NEK11: variants seen among roughly 807,000 people sequenced by gnomAD.
NEK11 encodes NIMA related kinase 11.
A neutral mutation model predicts 80.7 loss-of-function variants in NEK11; 72 were observed. The ratio of observed to expected loss-of-function variants is 0.89; its 90% CI spans 0.74 to 1.08. The LOEUF (loss-of-function observed/expected upper bound fraction) is 1.08. NEK11 is among the 50% of genes least tolerant of loss of function. The pLI, the probability that NEK11 is intolerant of heterozygous loss-of-function variation, is 0.00. For missense variants in NEK11, 764 were observed against 763.6 expected (o/e 1.00, Z -0.01); for synonymous variants, 251 against 260.7 (o/e 0.96, Z 0.36).
chr3:131,111,239 C>G (rs929935712), intron 5 of NEK11, among the ~76,000 whole-genome samples: 1 of 151,848 alleles, frequency 6.6e-6, no homozygotes, highest in African/African-American at 2.4e-5. Context: ...TTAAAATAAC[C>G]CTTTGAACAG....
intron 7 of NEK11, 87 bp from the exon 8 acceptor site, chr3:131,152,301 G>T: frequency 8.6e-7 from 1 of 1,162,174 alleles, no homozygotes; most frequent in Non-Finnish European, 1.2e-6. Context: ...CACAGCCAAT[G>T]CCCCAACACA....
At chr3:131,080,039 T>TTTG (rs1553850210) in intron 3 of NEK11, among the ~76,000 whole-genome samples, 3 of 148,956 alleles carry the variant, frequency 2.0e-5, no homozygotes, top group Admixed American at 6.7e-5. Context: ...GTGTGTGTGT[T>TTTG]TGTGTGTGTG....
At chr3:131,321,938 T>C (rs1176143676) in intron 17 of NEK11, among the ~76,000 whole-genome samples, 1 of 152,212 alleles carries the variant, frequency 6.6e-6, no homozygotes, top group East Asian at 1.9e-4. Context: ...TGGAGATTTC[T>C]TAAAGAATTT....
chr3:131,346,750 A>C (rs1003532841), intron 17 of NEK11, among the ~76,000 whole-genome samples: 5 of 152,156 alleles, frequency 3.3e-5, no homozygotes, highest in African/African-American at 1.2e-4. Flanking sequence ...GAAGTGGAAG[A>C]TTAGCTGGTA....
At chr3:131,281,428 A>G (rs2096394289) in intron 17 of NEK11, among the ~76,000 whole-genome samples, 1 of 152,182 alleles carries the variant, frequency 6.6e-6, no homozygotes, top group Non-Finnish European at 1.5e-5. Context: ...AGTATATGGC[A>G]ATATTCTTCA....
chr3:131,346,356 A>G (rs1342899650), intron 17 of NEK11, among the ~76,000 whole-genome samples: 1 of 152,220 alleles, frequency 6.6e-6, no homozygotes, highest in Non-Finnish European at 1.5e-5. Context: ...AAAAGAATAA[A>G]GGAAAACATT....
intron 17 of NEK11, 44 bp from the exon 18 acceptor site, chr3:131,349,513 C>A: frequency 6.7e-7 from 1 of 1,494,630 alleles, no homozygotes; most frequent in South Asian, 1.2e-5. Flanking sequence ...TGCAGGTGAT[C>A]TTAATGTGTA....
chr3:131,099,928 C>G (rs2078109950), intron 4 of NEK11, among the ~76,000 whole-genome samples: 3 of 152,000 alleles, frequency 2.0e-5, no homozygotes, highest in Admixed American at 2.0e-4. Context: ...AGATAGCTGA[C>G]TTCGTTTTGG....
At chr3:131,175,039 C>T in intron 14 of NEK11, 1 of 1,274,088 alleles carries the variant, frequency 7.8e-7, no homozygotes, top group Non-Finnish European at 9.9e-7. Flanking sequence ...AGGAGCCCCA[C>T]ATGCCCTTTA....
chr3:131,298,790 T>C (rs770594885), intron 17 of NEK11, among the ~76,000 whole-genome samples: 2 of 152,148 alleles, frequency 1.3e-5, no homozygotes, highest in Admixed American at 6.6e-5. Flanking sequence ...TGGGTTGTCG[T>C]CTGACATCAA....
intron 14 of NEK11, among the ~76,000 whole-genome samples, chr3:131,186,789 A>G (rs1040246133): frequency 3.9e-5 from 6 of 152,198 alleles, no homozygotes; most frequent in Non-Finnish European, 7.3e-5. Flanking sequence ...TGGTAGGCAT[A>G]ACCATGACTT....
chr3:131,273,330 C>G (rs1483736476), intron 16 of NEK11, 148 bp from the exon 17 acceptor site: 1 of 590,928 alleles, frequency 1.7e-6, no homozygotes, highest in Non-Finnish European at 3.1e-6. Flanking sequence ...TCTTAATGTG[C>G]GTGTTATAAT....
intron 3 of NEK11, chr3:131,054,700 T>A (rs1250740790): frequency 6.6e-6 from 1 of 151,828 alleles, no homozygotes. Context: ...GAGGTTGCAG[T>A]GAGCCTAGAT....
chr3:131,149,781 G>A (rs1282530216), intron 7 of NEK11, among the ~76,000 whole-genome samples: 1 of 151,734 alleles, frequency 6.6e-6, no homozygotes, highest in Admixed American at 6.6e-5. Flanking sequence ...AGCCTTGCTA[G>A]AAATCTATTA....
chr3:131,041,106 T>G (rs1577321821), intron 3 of NEK11, among the ~76,000 whole-genome samples: 1 of 152,350 alleles, frequency 6.6e-6, no homozygotes, highest in East Asian at 1.9e-4. Context: ...CAATCCACTT[T>G]TTGCAATATT....
intron 16 of NEK11, among the ~76,000 whole-genome samples, chr3:131,272,151 C>A (rs542341697): frequency 6.6e-6 from 1 of 152,226 alleles, no homozygotes; most frequent in South Asian, 2.1e-4. Flanking sequence ...GGGGACTCCA[C>A]CTTGCTTCTT....
intron 3 of NEK11, among the ~76,000 whole-genome samples, chr3:131,059,038 T>TA (rs1225371895): frequency 6.6e-6 from 1 of 152,138 alleles, no homozygotes; most frequent in Non-Finnish European, 1.5e-5. Context: ...AAAGAAAGAT[T>TA]AAAAAAATTG....
intron 14 of NEK11, among the ~76,000 whole-genome samples, chr3:131,179,984 C>A (rs2093259715): frequency 6.6e-6 from 1 of 152,118 alleles, no homozygotes; most frequent in South Asian, 2.1e-4. Context: ...ATAGCTCATT[C>A]CTATAAAGTC....
intron 14 of NEK11, among the ~76,000 whole-genome samples, chr3:131,221,457 T>A (rs116703742): frequency 0.012 from 1,783 of 152,290 alleles, 38 homozygotes; most frequent in African/African-American, 0.041. Context: ...GGTGATGTTG[T>A]TCTTGCTATT....
Sources: gnomAD v4.1 joint callset for allele counts (sites outside exome capture counted in the v4.1 genomes callset) on GRCh38, gnomAD v4.1.1 for gene constraint, MANE v1.5 for transcripts, NCBI Gene and HGNC (gene_info 2026-07-23, HGNC 2026-07-21) for gene names.